The following GRID1 variants were observed in gnomAD, a reference collection of about 807,000 sequenced individuals.
The protein encoded by GRID1 is glutamate receptor ionotropic, delta-1.
GRID1 carries 28 observed loss-of-function variants against 98.0 expected under a neutral mutation model. The ratio of observed to expected loss-of-function variants is 0.29; its 90% CI spans 0.21 to 0.39. The LOEUF is 0.39. Among genes scored for constraint, GRID1 ranks in the 10% least tolerant of loss-of-function variants. The pLI is 1.00. For synonymous variants in GRID1, 553 were observed against 538.5 expected (o/e 1.03, Z -0.37); for missense variants, 1,111 against 1,340.5 (o/e 0.83, Z 2.67).
At chr10:86,217,009 C>G (rs1564709270) in intron 2 of GRID1, among the ~76,000 whole-genome samples, 1 of 152,122 alleles carries the variant, frequency 6.6e-6, no homozygotes, top group East Asian at 1.9e-4. Flanking sequence ...CAAGGACATG[C>G]CTTCTGCTGC....
chr10:86,152,359 G>C (rs1386305565), intron 3 of GRID1, among the ~76,000 whole-genome samples: 5 of 152,210 alleles, frequency 3.3e-5, no homozygotes, highest in Admixed American at 6.5e-5. Flanking sequence ...AAAACCCTGA[G>C]ACCAGGGCCT....
chr10:85,772,561 CTG>C (rs1842282976), intron 8 of GRID1, among the ~76,000 whole-genome samples: 1 of 151,954 alleles, frequency 6.6e-6, no homozygotes. Context: ...ATCAACAAAA[CTG>C]ATAGACTGCT....
intron 4 of GRID1, among the ~76,000 whole-genome samples, chr10:85,970,823 A>G (rs1443047126): frequency 6.6e-6 from 1 of 152,098 alleles, no homozygotes; most frequent in East Asian, 1.9e-4. Flanking sequence ...TGGAGATTCT[A>G]GTCATGCAAA....
intron 8 of GRID1, among the ~76,000 whole-genome samples, chr10:85,847,155 G>C (rs1470976807): frequency 2.0e-5 from 3 of 152,194 alleles, no homozygotes; most frequent in Non-Finnish European, 4.4e-5. Context: ...TTCTAGGAAA[G>C]GGCTCTTCAC....
intron 2 of GRID1, among the ~76,000 whole-genome samples, chr10:86,269,653 T>G (rs1847156033): frequency 6.6e-6 from 1 of 152,220 alleles, no homozygotes; most frequent in African/African-American, 2.4e-5. Flanking sequence ...AGCTGGCCCT[T>G]TCCTCAGGCC....
chr10:85,752,857 G>A (rs994651657), intron 8 of GRID1, among the ~76,000 whole-genome samples: 4 of 151,956 alleles, frequency 2.6e-5, no homozygotes, highest in Admixed American at 2.6e-4. Flanking sequence ...ATTCCTCTAA[G>A]GGTTATTTTA....
At chr10:86,328,014 G>A (rs1029491576) in intron 2 of GRID1, among the ~76,000 whole-genome samples, 24 of 152,202 alleles carry the variant, frequency 1.6e-4, no homozygotes, top group Non-Finnish European at 3.1e-4. Context: ...ATTAAGGGGG[G>A]GTATCTGTTA....
At chr10:85,992,326 A>G (rs950830445) in intron 4 of GRID1, among the ~76,000 whole-genome samples, 8 of 152,192 alleles carry the variant, frequency 5.3e-5, no homozygotes, top group African/African-American at 1.9e-4. Flanking sequence ...CAGGTATGCA[A>G]AAGAGGATGG....
At chr10:86,252,248 G>C (rs1018778027) in intron 2 of GRID1, among the ~76,000 whole-genome samples, 1 of 152,208 alleles carries the variant, frequency 6.6e-6, no homozygotes, top group South Asian at 2.1e-4. Context: ...CAAGAAGAGC[G>C]TTAATATCAC....
At position 85,807,726 on chromosome 10, in the gene GRID1, G is replaced by T. The variant is rs112020589; in HGVS notation, c.1233+46770C>A. Among the ~76,000 whole-genome samples the T allele has an allele frequency of 4.5e-3, 685 of 152,222 alleles. 2 individuals carry two copies. The highest frequency in any genetic ancestry group is 0.015 in the African/African-American group (636 of 41,544). Reference sequence around the variant, plus strand: ...GCATAAATAAGAAGCCTAAAAAATAGTAAGGGGTGAAGAAGATGAGGATCA... The same window carrying T: ...GCATAAATAAGAAGCCTAAAAAATATTAAGGGGTGAAGAAGATGAGGATCA... On this transcript the variant is annotated intron_variant, in intron 8 of 15. Coordinates refer to ENST00000327946, the MANE Select transcript of GRID1 (RefSeq NM_017551.3).
chr10:85,946,853 G>T (rs1359023147), intron 4 of GRID1, among the ~76,000 whole-genome samples: 1 of 152,200 alleles, frequency 6.6e-6, no homozygotes, highest in Non-Finnish European at 1.5e-5. Context: ...GCTGCCTGGT[G>T]ACCTGAGAGT....
intron 8 of GRID1, among the ~76,000 whole-genome samples, chr10:85,829,515 T>C (rs1564603351): frequency 1.3e-5 from 2 of 152,112 alleles, no homozygotes; most frequent in African/African-American, 4.8e-5. Flanking sequence ...TCAAACTATC[T>C]CTGTTTGTGG....
In GRID1 at chr10:85,842,971, C is replaced by A. The variant is rs75161875; in HGVS notation, c.1233+11525G>T. 5.9e-3 allele frequency among the ~76,000 whole-genome samples: 894 copies of A among 150,630 alleles called. 8 individuals are homozygous for A. The highest frequency in any genetic ancestry group is 0.02 in the African/African-American group (823 of 41,294). ...AAAAACAAAAACAAAACAAAAAAAACCCCTACACCTCAATATTCTCATGAA... is the reference window on the plus strand; with the variant it reads ...AAAAACAAAAACAAAACAAAAAAAAACCCTACACCTCAATATTCTCATGAA... On this transcript the variant is annotated intron_variant, in intron 8 of 15. Transcript: ENST00000327946.
At chr10:86,138,038 G>A (rs1041294263) in intron 4 of GRID1, among the ~76,000 whole-genome samples, 3 of 152,106 alleles carry the variant, frequency 2.0e-5, no homozygotes, top group African/African-American at 4.8e-5. Context: ...CCTGTGACCT[G>A]TTCAATCTGC....
chr10:85,892,399 G>A (rs542480654), intron 5 of GRID1, among the ~76,000 whole-genome samples: 1 of 151,646 alleles, frequency 6.6e-6, no homozygotes, highest in Non-Finnish European at 1.5e-5. Context: ...ACATAATTAA[G>A]CACATAACCA....
At chr10:86,312,936 C>T (rs563930974) in intron 2 of GRID1, among the ~76,000 whole-genome samples, 8 of 152,348 alleles carry the variant, frequency 5.3e-5, no homozygotes, top group Non-Finnish European at 7.3e-5. Context: ...AACTCAGGCA[C>T]GCCTCAAGGA....
chr10:85,711,059 T>C (rs1590200172), intron 12 of GRID1, among the ~76,000 whole-genome samples: 1 of 152,040 alleles, frequency 6.6e-6, no homozygotes, highest in African/African-American at 2.4e-5. Flanking sequence ...TGTAGAAAAC[T>C]GTATGGTTAT....
chr10:85,890,677 T>A (rs1414645527), intron 5 of GRID1, among the ~76,000 whole-genome samples: 2 of 152,128 alleles, frequency 1.3e-5, no homozygotes, highest in East Asian at 3.9e-4. Flanking sequence ...AAATGTCTCC[T>A]GTTGTGCTAT....
intron 2 of GRID1, among the ~76,000 whole-genome samples, chr10:86,236,126 T>G (rs994351699): frequency 6.6e-6 from 1 of 152,248 alleles, no homozygotes; most frequent in Admixed American, 6.5e-5. Context: ...TTGATTTGCA[T>G]GTCCCTAAAG....
Sources: allele counts gnomAD v4.1 joint callset (sites outside exome capture counted in the v4.1 genomes callset), GRCh38; gene constraint gnomAD v4.1.1; transcripts MANE v1.5; gene names NCBI Gene and HGNC (gene_info 2026-07-23, HGNC 2026-07-21).